Variants in CPSF2 observed in about 807,000 individuals in gnomAD.
CPSF2 encodes cleavage and polyadenylation specificity factor subunit 2.
A neutral mutation model predicts 84.2 loss-of-function variants in CPSF2; 51 were observed. The observed-to-expected ratio is 0.61, with a 90% CI of 0.48 to 0.77. CPSF2 has a LOEUF of 0.77. CPSF2 is among the 30% of genes least tolerant of loss of function. CPSF2 has a pLI of 0.00. For missense variants in CPSF2, 641 were observed against 929.4 expected (o/e 0.69, Z 4.03); for synonymous variants, 286 against 311.9 (o/e 0.92, Z 0.87).
chr14:92,124,809 A>G (rs557587492), intron 1 of CPSF2, among the ~76,000 whole-genome samples: 1 of 152,304 alleles, frequency 6.6e-6, no homozygotes, highest in East Asian at 1.9e-4. Context: ...TTTTGGTTCT[A>G]TTGGGTTAAA....
intron 9 of CPSF2, among the ~76,000 whole-genome samples, chr14:92,150,172 G>A (rs2069194961): frequency 6.7e-6 from 1 of 149,612 alleles, no homozygotes; most frequent in Admixed American, 6.7e-5. Flanking sequence ...CTGTCGCCAG[G>A]CTGGAGCGCT....
At chr14:92,140,174 G>A (rs1460302556) in intron 7 of CPSF2, among the ~76,000 whole-genome samples, 2 of 151,676 alleles carry the variant, frequency 1.3e-5, no homozygotes, top group Admixed American at 1.3e-4. Flanking sequence ...GGATGGTCTT[G>A]ATCTCTTGAC....
intron 3 of CPSF2, among the ~76,000 whole-genome samples, chr14:92,131,600 A>G (rs1424064417): frequency 1.3e-5 from 2 of 152,130 alleles, no homozygotes; most frequent in Non-Finnish European, 2.9e-5. Flanking sequence ...GTACTTTAGG[A>G]GGCTGAGGTG....
chr14:92,145,838 C>G (rs1218654418), intron 9 of CPSF2, among the ~76,000 whole-genome samples: 1 of 152,110 alleles, frequency 6.6e-6, no homozygotes, highest in East Asian at 1.9e-4. Context: ...AGTTTTTGAC[C>G]TTTTTAATAA....
chr14:92,151,667 CTGAA>C (rs1440760088), intron 9 of CPSF2, among the ~76,000 whole-genome samples: 1 of 152,092 alleles, frequency 6.6e-6, no homozygotes, highest in Non-Finnish European at 1.5e-5. Context: ...TTGCAAGAGA[CTGAA>C]TGGAGAAGCA....
chr14:92,139,787 C>A (rs570762394), intron 7 of CPSF2, among the ~76,000 whole-genome samples: 28 of 151,808 alleles, frequency 1.8e-4, no homozygotes, highest in African/African-American at 6.8e-4. Flanking sequence ...GATCCTCCTG[C>A]CTCAGCCTCC....
Position 92,167,972 on chromosome 14 carries a change from C to G in CPSF2, c.*6228C>G, listed in dbSNP as rs572893811. Reference sequence around the variant, plus strand: ...TTCAATAATGGGAACTAAGGTCAGGCGTGGTGGCTCACACCTGTAATCCCA... The same window carrying G: ...TTCAATAATGGGAACTAAGGTCAGGGGTGGTGGCTCACACCTGTAATCCCA... On this transcript the variant is annotated 3_prime_UTR_variant, in exon 16 of 16. Transcript: ENST00000298875. The G allele has an allele frequency of 1.4e-4, 20 of 146,978 alleles. No individual in the cohort carries two copies. The highest frequency in any genetic ancestry group is 4.5e-4 in the African/African-American group (18 of 39,650). The allele number at this position is 146,978 out of a possible 1,614,324, so 9.1% of individuals were successfully genotyped here. A position where few individuals can be genotyped will look rare whatever the true frequency, so the allele number is the denominator to read the frequency against.
chr14:92,128,531 C>T (rs770690154), intron 2 of CPSF2, among the ~76,000 whole-genome samples: 1 of 152,206 alleles, frequency 6.6e-6, no homozygotes, highest in Non-Finnish European at 1.5e-5. Context: ...TCCCATCCCC[C>T]CGCCGGCCCT....
At position 92,159,358 on chromosome 14, in the gene CPSF2, T is replaced by TC. The variant is rs2069338122; in HGVS notation, c.2121+82dup. On this transcript the variant is annotated intron_variant, in intron 14 of 15. Transcript: ENST00000298875. The stretch of plus-strand genomic sequence containing the variant: ...TAGTTTTCATGTCTTTTGGTTTTTT[T>TC]CCCCCCTTCTAAAACTAAGTGGGTC... The TC allele has an allele frequency of 9.6e-6, 12 of 1,254,418 alleles. No individual in the cohort carries two copies. In the East Asian group the frequency reaches 1.9e-4, roughly 20 times the overall value. 77.7% of individuals were successfully genotyped at this position (1,254,418 alleles called of 1,614,324 possible). A position where few individuals can be genotyped will look rare whatever the true frequency, so the allele number is the denominator to read the frequency against.
intron 1 of CPSF2, among the ~76,000 whole-genome samples, chr14:92,123,356 G>A (rs896109416): frequency 7.9e-5 from 12 of 151,398 alleles, no homozygotes; most frequent in Non-Finnish European, 1.5e-4. Flanking sequence ...CGCCTGCCTC[G>A]GCCTCCCAAA....
rs1595050005 is a variant in CPSF2 at position 92,129,289 on chromosome 14, T to C, written c.-34-1662T>C. 3.3e-5 allele frequency among the ~76,000 whole-genome samples: 5 copies of C among 152,220 alleles called. No individual in the cohort carries two copies. In the South Asian group the frequency reaches 1.0e-3, roughly 32 times the overall value. ...CAGTTGCAGTTACAGGTGAGTATGATCACAGTTCCAGAGAGCATCCTGAAA... is the reference window on the plus strand; with the variant it reads ...CAGTTGCAGTTACAGGTGAGTATGACCACAGTTCCAGAGAGCATCCTGAAA... On this transcript the variant is annotated intron_variant, in intron 2 of 15. Coordinates refer to ENST00000298875, the MANE Select transcript of CPSF2 (RefSeq NM_017437.3).
chr14:92,152,073 A>AT lies in CPSF2; in HGVS notation c.1141-2279dup, dbSNP rs570518184. 2.6e-4 allele frequency among the ~76,000 whole-genome samples: 39 copies of AT among 149,796 alleles called. 1 individual carries two copies. The highest frequency in any genetic ancestry group is 8.8e-4 in the African/African-American group (36 of 41,046). On this transcript the variant is annotated intron_variant, in intron 9 of 15. Coordinates refer to ENST00000298875, the MANE Select transcript of CPSF2 (RefSeq NM_017437.3). ...TTTTTTTGCTTTGGAAAATGTAATT[A>AT]TTTTTTGTAAAAATCTGTTAATGTT...
intron 2 of CPSF2, among the ~76,000 whole-genome samples, chr14:92,128,235 C>CAA (rs60307952): frequency 1.1e-4 from 15 of 141,490 alleles, no homozygotes; most frequent in East Asian, 8.1e-4. Flanking sequence ...AACTCTGTCT[C>CAA]AAAAAAAAAA....
intron 9 of CPSF2, among the ~76,000 whole-genome samples, chr14:92,146,860 A>G (rs916963130): frequency 6.6e-6 from 1 of 152,172 alleles, no homozygotes; most frequent in African/African-American, 2.4e-5. Context: ...CCTACGGTGC[A>G]TCAGGATCTT....
intron 7 of CPSF2, among the ~76,000 whole-genome samples, chr14:92,139,496 A>G (rs1296527812): frequency 6.6e-6 from 1 of 151,348 alleles, no homozygotes; most frequent in East Asian, 1.9e-4. Flanking sequence ...GGTGTTTTAC[A>G]CTTTAATATA....
Position 92,155,215 on chromosome 14 carries a change from G to A in CPSF2, c.1334G>A (p.Gly445Asp). Residue 445 changes from glycine (G) to aspartate (D), a missense_variant, in exon 11 of 16, where the codon GGT (glycine) becomes GAT (aspartate). Around this residue, in one of 2 missense-constraint regions of CPSF2, gnomAD observed 430 missense variants for 553.6 expected, o/e 0.78. Coordinates refer to ENST00000298875, the MANE Select transcript of CPSF2 (RefSeq NM_017437.3). ...HKTKHDLMMK[G>D]EGSRKGSFFK... ...ACGAAGCATGACTTGATGATGAAAG[G>A]TGAAGGCAGTCGTAAAGGAAGTTTT... 2 of 1,614,042 alleles carry A rather than the reference G, an allele frequency of 1.2e-6. No homozygotes were observed. Among genetic ancestry groups the A allele is most frequent in the Non-Finnish European group, 8.5e-7 (1 of 1,179,940 alleles).
chr14:92,154,595 A>G (rs1231114576), intron 10 of CPSF2, 137 bp downstream of exon 10: 7 of 587,256 alleles, frequency 1.2e-5, no homozygotes, highest in Non-Finnish European at 2.1e-5. Flanking sequence ...TCAAATGTCT[A>G]GAATACCAGA....
At position 92,155,286 on chromosome 14, in the gene CPSF2, G is replaced by A. The variant is rs765961681; in HGVS notation, c.1405G>A (p.Glu469Lys). ...KSYPMFPAPE[E>K]RIKWDEYGEI... ...CTATCCTATGTTTCCTGCCCCAGAA[G>A]AAAGAATTAAATGGGATGAATATGG... Residue 469 changes from glutamate to lysine, a missense_variant, in exon 11 of 16, where the codon GAA becomes AAA. Transcript: ENST00000298875. 3.7e-6 allele frequency: 6 copies of A among 1,613,954 alleles called. No homozygotes were observed. Among genetic ancestry groups the A allele is most frequent in the African/African-American group, 1.3e-5 (1 of 74,932 alleles).
chr14:92,157,666 G>C lies in CPSF2; in HGVS notation c.1603G>C (p.Val535Leu), dbSNP rs779018867. 1 of 1,612,622 alleles carries C rather than the reference G, an allele frequency of 6.2e-7. No homozygotes were observed. The change falls in exon 13 of 16, where the codon GTT (valine) becomes CTT (leucine). Residue 535 changes from valine to leucine, a missense_variant. Val to Leu is a conservative substitution (Grantham distance 32). This residue lies in a region of CPSF2 where 430 missense variants were observed against 553.6 expected (regional missense o/e 0.78). Transcript: ENST00000298875. This position sits in a 1 kb window ranked among gnomAD's most constrained non-coding sequence, Gnocchi z 4.0. ...TTESIEIKAR[V>L]TYIDYEGRSD... ...AATCATATCTAATTACAGAGCCCGGGTTACCTACATAGACTATGAAGGACG... is the reference window on the plus strand; with the variant it reads ...AATCATATCTAATTACAGAGCCCGGCTTACCTACATAGACTATGAAGGACG...
Sources: allele counts gnomAD v4.1 joint callset (sites outside exome capture counted in the v4.1 genomes callset), GRCh38; gene constraint gnomAD v4.1.1; regional missense constraint gnomAD v4.1.1; non-coding constraint Gnocchi (gnomAD v3.1); transcripts MANE v1.5; gene names NCBI Gene and HGNC (gene_info 2026-07-23, HGNC 2026-07-21).